The following NKD2 variants were observed in gnomAD, a reference collection of about 807,000 sequenced individuals.
NKD2 encodes the protein NKD inhibitor of Wnt signaling pathway 2.
NKD2 carries 43 observed loss-of-function variants against 34.8 expected under a neutral mutation model. The observed-to-expected ratio is 1.24, with a 90% confidence interval of 0.97 to 1.60. The LOEUF (loss-of-function observed/expected upper bound fraction) is 1.60. NKD2 is among the 40% of genes most tolerant of loss of function. The pLI is 0.00. For missense variants in NKD2, 675 were observed against 627.1 expected (o/e 1.08, Z -0.82); for synonymous variants, 278 against 265.1 (o/e 1.05, Z -0.47).
rs1207446895 is a variant in NKD2, at chr5:1,008,842, C to A, written c.-216C>A. ...GCCGTCGCTGCCGCCGCTGTCCCCG[C>A]GCCCTGCGCCCGGTGGCCCCCCACC... On this transcript the variant is annotated 5_prime_UTR_variant, in exon 1 of 10. Transcript: ENST00000296849. 4 of 315,554 alleles carry A rather than the reference C, an allele frequency of 1.3e-5. No homozygotes were observed. The highest frequency in any genetic ancestry group is 2.3e-5 in the Non-Finnish European group (4 of 174,222). 19.5% of individuals were successfully genotyped at this position (315,554 alleles called of 1,614,324 possible).
intron 8 of NKD2, 108 bp downstream of exon 8, chr5:1,035,581 T>G: frequency 1.2e-6 from 1 of 842,588 alleles, no homozygotes; most frequent in Non-Finnish European, 1.9e-6. Context: ...ATCCTCTAGG[T>G]CAGACCTGCA....
intron 3 of NKD2, among the ~76,000 whole-genome samples, chr5:1,020,797 G>A (rs1756147801): frequency 6.6e-6 from 1 of 151,962 alleles, no homozygotes. Flanking sequence ...CGTGGGTTGG[G>A]CTGGGTGCCC....
At chr5:1,015,066 G>A (rs758941302) in intron 3 of NKD2, among the ~76,000 whole-genome samples, 1 of 152,208 alleles carries the variant, frequency 6.6e-6, no homozygotes, top group Non-Finnish European at 1.5e-5. Context: ...GCTCCATAAG[G>A]CCAGGCAGCG....
At chr5:1,020,561 G>A (rs1027715094) in intron 3 of NKD2, among the ~76,000 whole-genome samples, 5 of 152,058 alleles carry the variant, frequency 3.3e-5, no homozygotes, top group South Asian at 2.1e-4. Flanking sequence ...CATCCGCGTC[G>A]GTTAATGCGG....
chr5:1,031,868 C>T (rs1461268086), intron 3 of NKD2, among the ~76,000 whole-genome samples: 3 of 152,148 alleles, frequency 2.0e-5, no homozygotes, highest in Non-Finnish European at 4.4e-5. Context: ...CCAAGGGGAT[C>T]CCCAGGGCAG....
At chr5:1,026,558 C>A (rs1192738839) in intron 3 of NKD2, among the ~76,000 whole-genome samples, 3 of 67,340 alleles carry the variant, frequency 4.5e-5, no homozygotes, top group Non-Finnish European at 1.2e-4. Flanking sequence ...CCTGCTCTTC[C>A]CACCCTCTGT....
intron 4 of NKD2, among the ~76,000 whole-genome samples, chr5:1,033,155 G>GC (rs1332223453): frequency 2.0e-5 from 3 of 152,206 alleles, no homozygotes; most frequent in Non-Finnish European, 4.4e-5. Flanking sequence ...GCAGTTGGGG[G>GC]CCACCGTGGG....
Position 1,037,402 on chromosome 5 carries a change from G to A in NKD2, c.788-403G>A, listed in dbSNP as rs981208913. On this transcript the variant is annotated intron_variant, in intron 9 of 9. Transcript: ENST00000296849. ...CTACAGGGCTCGCACTGCACGTTGT[G>A]AAGGTGGCAGTCCTGAGTCCTTCTC... 15 of 919,958 alleles carry A rather than the reference G, an allele frequency of 1.6e-5. No homozygotes were observed. The Admixed American group carries it at 3.4e-4, about 21-fold the overall frequency. The allele number at this position is 919,958 out of a possible 1,614,324, so 57.0% of individuals were successfully genotyped here.
intron 3 of NKD2, among the ~76,000 whole-genome samples, chr5:1,013,866 CCT>C (rs1755850499): frequency 6.6e-6 from 1 of 152,166 alleles, no homozygotes; most frequent in African/African-American, 2.4e-5. Flanking sequence ...AGTGTCGGCC[CCT>C]GTGTCTGTGA....
chr5:1,034,229 C>T lies in NKD2; in HGVS notation c.331-6C>T, dbSNP rs760655652. 6.2e-7 allele frequency: 1 copy of T among 1,609,778 alleles called. No homozygotes were observed. Among genetic ancestry groups the T allele is most frequent in the Non-Finnish European group, 8.5e-7 (1 of 1,178,730 alleles). Reference sequence around the variant, plus strand: ...GCGAGGTCCCGGCCCCCACGTCCCCCCACAGGCACTCCAGTGCGATGTCTC... The same window carrying T: ...GCGAGGTCCCGGCCCCCACGTCCCCTCACAGGCACTCCAGTGCGATGTCTC... On this transcript the variant is annotated splice_polypyrimidine_tract_variant and splice_region_variant and intron_variant, in intron 5 of 9. Transcript: ENST00000296849.
At position 1,037,311 on chromosome 5, in the gene NKD2, T is replaced by C. The variant is rs148893411; in HGVS notation, c.788-494T>C. 3.3e-5 allele frequency among the ~76,000 whole-genome samples: 5 copies of C among 152,194 alleles called. No homozygotes were observed. The East Asian group carries it at 9.7e-4, about 29-fold the overall frequency. ...GAGGGGTGGAGCTGGATCAGGGTCA[T>C]GGGGGCTCAGTGCGCTGTGTGCTGA... On this transcript the variant is annotated intron_variant, in intron 9 of 9. Transcript: ENST00000296849.
intron 3 of NKD2, among the ~76,000 whole-genome samples, chr5:1,029,108 T>C (rs1327133469): frequency 7.2e-6 from 1 of 139,216 alleles, no homozygotes; most frequent in Non-Finnish European, 1.6e-5. Flanking sequence ...ACGGATCTGA[T>C]GAAATCACCA....
chr5:1,027,620 C>G (rs1020906238), intron 3 of NKD2, among the ~76,000 whole-genome samples: 1 of 152,184 alleles, frequency 6.6e-6, no homozygotes, highest in Non-Finnish European at 1.5e-5. Flanking sequence ...GCCTGTTGAT[C>G]GGGGTTGGTA....
At position 1,009,540 on chromosome 5, in the gene NKD2, C is replaced by T. The variant is rs1473010303; in HGVS notation, c.121C>T (p.Arg41Trp). 2 of 1,490,632 alleles carry T rather than the reference C, an allele frequency of 1.3e-6. No homozygotes were observed. The highest frequency in any genetic ancestry group is 2.2e-5 in the Admixed American group (1 of 44,574). The allele number at this position is 1,490,632 out of a possible 1,614,324, so 92.3% of individuals were successfully genotyped here. ...SGRKGAEEAERRARDKQELPN... is the reference protein window; with the variant it reads ...SGRKGAEEAEWRARDKQELPN... ...CCGCAAAGGCGCGGAGGAAGCGGAG[C>T]GGCGCGCGCGGGACAAGCAGGTAGG... Residue 41 changes from arginine (R) to tryptophan (W), a missense_variant, in exon 3 of 10, where the codon CGG becomes TGG. Coordinates refer to ENST00000296849, the MANE Select transcript of NKD2 (RefSeq NM_033120.4). This position sits in a 1 kb window ranked among gnomAD's most constrained non-coding sequence, Gnocchi z 6.9.
chr5:1,010,960 T>C (rs750116538), intron 3 of NKD2, among the ~76,000 whole-genome samples: 3 of 152,130 alleles, frequency 2.0e-5, no homozygotes, highest in Non-Finnish European at 4.4e-5. Flanking sequence ...CCCAGGGCCA[T>C]GGGGCAAGGC....
At position 1,036,312 on chromosome 5, in the gene NKD2, G is replaced by A. The variant is rs369152047; in HGVS notation, c.715G>A (p.Glu239Lys). 3.9e-5 allele frequency: 63 copies of A among 1,612,734 alleles called. No individual in the cohort carries two copies. The highest frequency in any genetic ancestry group is 4.5e-5 in the Non-Finnish European group (53 of 1,179,820). The change falls in exon 9 of 10, where the codon GAG becomes AAG. Residue 239 changes from glutamate to lysine, a missense_variant. Coordinates refer to ENST00000296849, the MANE Select transcript of NKD2 (RefSeq NM_033120.4). The part of the protein sequence containing the change: ...CSERGPYCVD[E>K]NTERRNHYLD... ...GGAGCGGGGGCCCTACTGCGTGGAC[G>A]AGAACACGGAGCGCAGAAACCACTA...
chr5:1,036,874 AGGCAGTGTGGATGGCG>A lies in NKD2; in HGVS notation c.787+506_787+521del, dbSNP rs769692541. The A allele has an allele frequency of 4.7e-3, 2,090 of 447,444 alleles. 12 individuals carry two copies. Among genetic ancestry groups the A allele is most frequent in the Non-Finnish European group, 7.0e-3 (1,567 of 224,256 alleles). 27.7% of individuals were successfully genotyped at this position (447,444 alleles called of 1,614,324 possible). A position where few individuals can be genotyped will look rare whatever the true frequency, so the allele number is the denominator to read the frequency against. On this transcript the variant is annotated intron_variant, in intron 9 of 9. Transcript: ENST00000296849. ...ACAGCAGGCAGTGTGGATGGCAGGC[AGGCAGTGTGGATGGCG>A]GGCAGTGTGGATGGCAGCCAGGCAG...
intron 4 of NKD2, 68 bp downstream of exon 4, chr5:1,032,280 G>A (rs1458073417): frequency 1.4e-5 from 18 of 1,284,444 alleles, no homozygotes; most frequent in South Asian, 3.6e-5. Context: ...AGGCAACGCC[G>A]AAAACCACCC....
At position 1,034,139 on chromosome 5, in the gene NKD2, C is replaced by A. The variant is rs113347268; in HGVS notation, c.331-96C>A. On this transcript the variant is annotated intron_variant, in intron 5 of 9. Transcript: ENST00000296849. ...CGCCTTTCCTAGCTGGCATGAGGGACCCCTGGGAAAGGCCCCAGAAGATCC... is the reference window on the plus strand; with the variant it reads ...CGCCTTTCCTAGCTGGCATGAGGGAACCCTGGGAAAGGCCCCAGAAGATCC... 409 of 859,292 alleles carry A rather than the reference C, an allele frequency of 4.8e-4. 1 individual carries two copies. The African/African-American group carries it at 6.2e-3, about 13-fold the overall frequency. The allele number at this position is 859,292 out of a possible 1,614,324, so 53.2% of individuals were successfully genotyped here. A position where few individuals can be genotyped will look rare whatever the true frequency, so the allele number is the denominator to read the frequency against.
Sources: gnomAD v4.1 joint callset for allele counts (sites outside exome capture counted in the v4.1 genomes callset) on GRCh38, gnomAD v4.1.1 for gene constraint, Gnocchi (gnomAD v3.1) non-coding constraint, MANE v1.5 for transcripts, NCBI Gene and HGNC (gene_info 2026-07-23, HGNC 2026-07-21) for gene names.